Variants in ASCC3 observed in about 807,000 individuals in gnomAD.
The protein encoded by ASCC3 is ASC-1 complex subunit P200.
In ASCC3, 158 loss-of-function variants were observed where a neutral mutation model predicts 256.3. The ratio of observed to expected loss-of-function variants is 0.62; its 90% CI spans 0.54 to 0.70. The LOEUF (loss-of-function observed/expected upper bound fraction) is 0.70. ASCC3 is among the 30% of genes least tolerant of loss of function. ASCC3 has a pLI of 0.00. For missense variants in ASCC3, 2,259 were observed against 2,626.0 expected, an observed-to-expected ratio of 0.86 and a Z score of 3.05; for synonymous variants, 948 against 883.4, an observed-to-expected ratio of 1.07 and a Z score of -1.30.
intron 4 of ASCC3, among the ~76,000 whole-genome samples, chr6:100,806,742 T>A (rs1436798582): frequency 3.3e-5 from 5 of 151,956 alleles, no homozygotes; most frequent in African/African-American, 1.2e-4. Flanking sequence ...TATTTTCTTT[T>A]TGCTGTTCAT....
At chr6:100,545,714 A>G (rs1195158015) in intron 36 of ASCC3, among the ~76,000 whole-genome samples, 1 of 152,162 alleles carries the variant, frequency 6.6e-6, no homozygotes, top group African/African-American at 2.4e-5. Flanking sequence ...CTTAGCCTTC[A>G]GAGTAGGCAT....
chr6:100,628,064 G>T, intron 27 of ASCC3, 77 bp from the exon 28 acceptor site: 17 of 1,300,106 alleles, frequency 1.3e-5, no homozygotes, highest in African/African-American at 4.6e-5. Flanking sequence ...AAAAGGAAGA[G>T]TTTGTAGCTT....
chr6:100,509,939 G>C lies in ASCC3; in HGVS notation c.6454C>G (p.Pro2152Ala). The change falls in exon 41 of 42, where the codon CCT (proline) becomes GCT (alanine). Residue 2152 changes from proline to alanine, a missense_variant. By Grantham distance (27) the Pro-to-Ala change is conservative. Coordinates refer to ENST00000369162, the MANE Select transcript of ASCC3 (RefSeq NM_006828.4). ...ASLSFYTPEI[P>A]GRYIYTLYFM... ...TAGTAGGATTCTTCTTACCTTCCAG[G>C]TATTTCAGGGGTATAAAAAGAAAGG... The C allele has an allele frequency of 6.2e-7, 1 of 1,613,222 alleles. No homozygotes were observed. Among genetic ancestry groups the C allele is most frequent in the Non-Finnish European group, 8.5e-7 (1 of 1,179,500 alleles).
At chr6:100,757,335 G>A (rs993430279) in intron 10 of ASCC3, among the ~76,000 whole-genome samples, 1 of 151,908 alleles carries the variant, frequency 6.6e-6, no homozygotes, top group Admixed American at 6.6e-5. Flanking sequence ...TGAGAATATG[G>A]CAAAGATAAT....
Position 100,767,243 on chromosome 6 carries a change from G to C in ASCC3, c.1498C>G (p.Pro500Ala). ...ATGTTGGTTTTTCCAGCTCCTGTAG[G>C]GGCACAAATCAGCATGTTCTCATTG... is the stretch of plus-strand genomic sequence containing the variant. ...NTNENMLICA[P>A]TGAGKTNIAM... is the part of the protein sequence containing the mutation. The change falls in exon 9 of 42, where the codon CCT becomes GCT. Residue 500 changes from proline to alanine, a missense_variant. Physicochemically the swap from Pro to Ala is conservative, Grantham distance 27. Coordinates refer to ENST00000369162, the MANE Select transcript of ASCC3 (RefSeq NM_006828.4). The C allele has an allele frequency of 6.2e-7, 1 of 1,613,960 alleles. No homozygotes were observed. The highest frequency in any genetic ancestry group is 8.5e-7 in the Non-Finnish European group (1 of 1,179,990).
chr6:100,673,057 C>A (rs1776829265), intron 14 of ASCC3, among the ~76,000 whole-genome samples: 2 of 152,130 alleles, frequency 1.3e-5, no homozygotes, highest in African/African-American at 4.8e-5. Flanking sequence ...TAATTATGCA[C>A]TTTAACTTGG....
At chr6:100,878,620 A>C (rs779177877) in intron 1 of ASCC3, among the ~76,000 whole-genome samples, 2 of 152,236 alleles carry the variant, frequency 1.3e-5, no homozygotes, top group Non-Finnish European at 2.9e-5. Flanking sequence ...TCTTCCCACG[A>C]AAGTCCAGTG....
chr6:100,741,783 T>G lies in ASCC3; in HGVS notation c.1738-16080A>C, dbSNP rs796481883. Among the ~76,000 whole-genome samples, 29 of 152,328 alleles carry G rather than the reference T, an allele frequency of 1.9e-4. 1 individual carries two copies. Among genetic ancestry groups the G allele is most frequent in the South Asian group, 6.2e-4 (3 of 4,828 alleles). ...CTATTTTGGCTGTCAGCTCTCGTACTGTTTTATCTTGATTCTTAGCTTCTT... is the reference window on the plus strand; with the variant it reads ...CTATTTTGGCTGTCAGCTCTCGTACGGTTTTATCTTGATTCTTAGCTTCTT... On this transcript the variant is annotated intron_variant, in intron 10 of 41. Transcript: ENST00000369162.
At chr6:100,530,762 T>C in intron 37 of ASCC3, 1 of 998,008 alleles carries the variant, frequency 1.0e-6, no homozygotes, top group Non-Finnish European at 1.6e-6. Flanking sequence ...AGTTTACTTT[T>C]AATTTTGCAA....
intron 4 of ASCC3, among the ~76,000 whole-genome samples, chr6:100,833,718 ATGTT>A (rs1238569021): frequency 2.0e-5 from 3 of 152,198 alleles, no homozygotes; most frequent in African/African-American, 7.2e-5. Flanking sequence ...ATGCTGGTAA[ATGTT>A]TGTAAAACTG....
At chr6:100,827,028 C>G (rs1415102760) in intron 4 of ASCC3, among the ~76,000 whole-genome samples, 1 of 152,184 alleles carries the variant, frequency 6.6e-6, no homozygotes. Context: ...AGAGCAAATA[C>G]AGAATACATC....
intron 13 of ASCC3, among the ~76,000 whole-genome samples, chr6:100,683,179 A>C (rs1332346317): frequency 1.3e-5 from 2 of 152,184 alleles, no homozygotes; most frequent in Non-Finnish European, 2.9e-5. Context: ...ATTTTATATA[A>C]CTAATAAGCC....
chr6:100,721,968 C>A (rs1053203220), intron 11 of ASCC3, among the ~76,000 whole-genome samples: 2 of 151,668 alleles, frequency 1.3e-5, no homozygotes, highest in Non-Finnish European at 3.0e-5. Context: ...TGTTTAAGAT[C>A]TTACATTTAA....
intron 25 of ASCC3, 135 bp from the exon 26 acceptor site, chr6:100,631,348 A>G: frequency 3.0e-6 from 2 of 664,546 alleles, no homozygotes; most frequent in Non-Finnish European, 5.3e-6. Context: ...TGAATACTCA[A>G]ATTTTTAAAT....
At position 100,642,657 on chromosome 6, in the gene ASCC3, T is replaced by C; in HGVS notation, c.3825A>G (p.Arg1275=). The C allele has an allele frequency of 6.2e-7, 1 of 1,613,988 alleles. No homozygotes were observed. Among genetic ancestry groups the C allele is most frequent in the Non-Finnish European group, 8.5e-7 (1 of 1,179,918 alleles). The change falls in exon 24 of 42, where the codon AGA becomes AGG. Residue 1275 remains arginine, a synonymous_variant. Coordinates refer to ENST00000369162, the MANE Select transcript of ASCC3 (RefSeq NM_006828.4). ...SQYYIRAVSD[R]WLGAEAVCII... ...TACATACTGCCTCAGCACCCAACCA[T>C]CTATCAGACACTGCTCGGATGTAGT...
intron 38 of ASCC3, among the ~76,000 whole-genome samples, chr6:100,517,526 G>A (rs984738842): frequency 2.6e-5 from 4 of 152,052 alleles, no homozygotes; most frequent in African/African-American, 9.7e-5. Flanking sequence ...TTACGTATAG[G>A]TTATATCTTG....
At chr6:100,589,442 A>G (rs1237355867) in intron 36 of ASCC3, among the ~76,000 whole-genome samples, 192 bp downstream of exon 36, 1 of 152,116 alleles carries the variant, frequency 6.6e-6, no homozygotes, top group African/African-American at 2.4e-5. Context: ...AGAAGGATCC[A>G]AGTTTGGATC....
intron 10 of ASCC3, among the ~76,000 whole-genome samples, chr6:100,740,771 T>C (rs1780398787): frequency 6.6e-6 from 1 of 152,206 alleles, no homozygotes; most frequent in African/African-American, 2.4e-5. Flanking sequence ...TCCACTCCTT[T>C]ATTTTGAGTT....
chr6:100,716,245 T>C (rs1194216543), intron 12 of ASCC3, among the ~76,000 whole-genome samples: 1 of 151,910 alleles, frequency 6.6e-6, no homozygotes, highest in African/African-American at 2.4e-5. Flanking sequence ...TAATTATGAA[T>C]GTATTATGCC....
Sources: gnomAD v4.1 joint callset for allele counts (sites outside exome capture counted in the v4.1 genomes callset) on GRCh38, gnomAD v4.1.1 for gene constraint, MANE v1.5 for transcripts, NCBI Gene and HGNC (gene_info 2026-07-23, HGNC 2026-07-21) for gene names.